NCKAP1: variants seen among roughly 807,000 people sequenced by gnomAD.
NCKAP1 encodes the protein nck-associated protein 1.
In NCKAP1, 21 loss-of-function variants were observed where a neutral mutation model predicts 151.2. The observed-to-expected ratio is 0.14, with a 90% CI of 0.10 to 0.20. NCKAP1 has a LOEUF of 0.20. Ranked by LOEUF, NCKAP1 falls within the 10% of genes least tolerant of loss-of-function variation. The pLI is 1.00. For missense variants in NCKAP1, 933 were observed against 1,352.1 expected (o/e 0.69, Z 4.86); for synonymous variants, 484 against 451.8 (o/e 1.07, Z -0.90).
intron 27 of NCKAP1, 134 bp from the exon 28 acceptor site, chr2:182,929,033 G>C (rs1197467533): frequency 3.4e-6 from 2 of 579,778 alleles, no homozygotes; most frequent in Admixed American, 3.3e-5. Context: ...TATTTTACTA[G>C]CATTCTATAG....
intron 23 of NCKAP1, among the ~76,000 whole-genome samples, chr2:182,945,699 C>T (rs58722123): frequency 6.6e-6 from 1 of 152,180 alleles, no homozygotes; most frequent in Non-Finnish European, 1.5e-5. Context: ...TTATGCACTG[C>T]TGATGGGAAT....
At chr2:182,929,262 T>A (rs992040830) in intron 27 of NCKAP1, among the ~76,000 whole-genome samples, 5 of 152,010 alleles carry the variant, frequency 3.3e-5, no homozygotes, top group African/African-American at 1.2e-4. Context: ...TATTACTTTA[T>A]GAGACAGTTC....
intron 27 of NCKAP1, among the ~76,000 whole-genome samples, chr2:182,929,864 T>C (rs1696725691): frequency 6.6e-6 from 1 of 151,990 alleles, no homozygotes; most frequent in African/African-American, 2.4e-5. Flanking sequence ...TATATTTACT[T>C]TGTAGACAAA....
At chr2:183,027,671 A>G (rs1698923627) in intron 1 of NCKAP1, among the ~76,000 whole-genome samples, 2 of 152,160 alleles carry the variant, frequency 1.3e-5, no homozygotes, top group Non-Finnish European at 2.9e-5. Flanking sequence ...CCTGGGCAAC[A>G]TAGCAAGATC....
intron 2 of NCKAP1, among the ~76,000 whole-genome samples, chr2:183,003,974 T>A (rs1369756397): frequency 6.6e-5 from 10 of 152,116 alleles, no homozygotes; most frequent in Admixed American, 6.6e-4. Flanking sequence ...TTTACAAAAG[T>A]CCCAATTTTT....
rs1337021290 is a variant in NCKAP1 at position 182,953,312 on chromosome 2, T to C, written c.2173A>G (p.Met725Val). Residue 725 changes from methionine to valine, a missense_variant, in exon 21 of 31, where the codon ATG (methionine) becomes GTG (valine). Transcript: ENST00000361354. ...RFTKSIVGMT[M>V]YNQATQEIAK... ...ATTTCCTGTGTGGCTTGATTATACA[T>C]AGTCATCCCAACAATTGACCTGGGA... The C allele has an allele frequency of 6.2e-7, 1 of 1,612,246 alleles. No homozygotes were observed. The highest frequency in any genetic ancestry group is 1.1e-5 in the South Asian group (1 of 90,840).
intron 9 of NCKAP1, among the ~76,000 whole-genome samples, chr2:182,987,923 A>G (rs1698089234): frequency 1.3e-5 from 2 of 152,280 alleles, no homozygotes; most frequent in Admixed American, 1.3e-4. Context: ...CCGACCAGAA[A>G]GAAGCACAAA....
chr2:182,962,433 C>G (rs1406261833), intron 17 of NCKAP1, among the ~76,000 whole-genome samples, 155 bp from the exon 18 acceptor site: 1 of 152,090 alleles, frequency 6.6e-6, no homozygotes, highest in East Asian at 1.9e-4. Flanking sequence ...CTTGTAACAA[C>G]TAACTCACCA....
rs1696561802 is a variant in NCKAP1, at chr2:182,922,258, A to G, written c.*3444T>C. 6.6e-6 allele frequency: 1 copy of G among 152,232 alleles called. No homozygotes were observed. Among genetic ancestry groups the G allele is most frequent in the Non-Finnish European group, 1.5e-5 (1 of 68,028 alleles). 9.4% of individuals were successfully genotyped at this position (152,232 alleles called of 1,614,324 possible). ...CACTACCTTACAGAATTTGGGCTTC[A>G]TTTAGAAGGCCTGATGGTGTACAAC... is the stretch of plus-strand genomic sequence containing the variant. On this transcript the variant is annotated 3_prime_UTR_variant, in exon 31 of 31. Coordinates refer to ENST00000361354, the MANE Select transcript of NCKAP1 (RefSeq NM_013436.5).
rs565141411 is a variant in NCKAP1 at position 182,992,568 on chromosome 2, G to A, written c.790+2271C>T. Among the ~76,000 whole-genome samples the A allele has an allele frequency of 6.6e-5, 10 of 152,198 alleles. 1 individual carries two copies. The highest frequency in any genetic ancestry group is 7.2e-5 in the African/African-American group (3 of 41,514). ...AACAACTAATAATTACCACACAACC[G>A]AGCAAGATCAAAACTCTGAAAGCTG... On this transcript the variant is annotated intron_variant, in intron 8 of 30. Transcript: ENST00000361354.
At chr2:182,996,829 G>C (rs1015635014) in intron 6 of NCKAP1, among the ~76,000 whole-genome samples, 1 of 152,164 alleles carries the variant, frequency 6.6e-6, no homozygotes, top group Non-Finnish European at 1.5e-5. Flanking sequence ...ATACAGGGCT[G>C]TAACTGAAAT....
At chr2:182,937,292 T>C (rs1696897825) in intron 24 of NCKAP1, among the ~76,000 whole-genome samples, 1 of 152,076 alleles carries the variant, frequency 6.6e-6, no homozygotes, top group Non-Finnish European at 1.5e-5. Context: ...CATTAAAAGT[T>C]CTAAGATACT....
intron 2 of NCKAP1, among the ~76,000 whole-genome samples, chr2:183,012,016 A>T (rs577794820): frequency 4.5e-4 from 69 of 152,246 alleles, no homozygotes; most frequent in African/African-American, 1.6e-3. Context: ...GGAACTCCCA[A>T]TTGTTTTTTC....
chr2:182,983,015 G>A (rs528388345), intron 11 of NCKAP1, 88 bp from the exon 12 acceptor site: 17 of 975,768 alleles, frequency 1.7e-5, no homozygotes, highest in Non-Finnish European at 2.6e-5. Context: ...TCATTGGCAA[G>A]AAGTGATAAT....
chr2:183,022,687 T>TA (rs986474242), intron 2 of NCKAP1, among the ~76,000 whole-genome samples: 4 of 152,136 alleles, frequency 2.6e-5, no homozygotes, highest in African/African-American at 9.7e-5. Context: ...TGATTTTGTT[T>TA]AAAAAAATGC....
chr2:182,926,952 C>A (rs1696660621), intron 29 of NCKAP1, 47 bp from the exon 30 acceptor site: 2 of 1,288,064 alleles, frequency 1.6e-6, no homozygotes, highest in East Asian at 2.4e-5. Context: ...ATAAAAGGTT[C>A]ATCGGTTACT....
At chr2:183,037,919 C>G in intron 1 of NCKAP1, 73 bp downstream of exon 1, 1 of 1,222,142 alleles carries the variant, frequency 8.2e-7, no homozygotes, top group Middle Eastern at 2.3e-4. Flanking sequence ...CGCCCCCACC[C>G]CACGGCCTCC....
Position 183,024,586 on chromosome 2 carries a change from G to A in NCKAP1, c.109-670C>T, listed in dbSNP as rs553597329. ...TATCAGCAGTACAGCATTCTCTGCAGTAAACTGTAAGGCACTATACAAATG... is the reference window on the plus strand; with the variant it reads ...TATCAGCAGTACAGCATTCTCTGCAATAAACTGTAAGGCACTATACAAATG... On this transcript the variant is annotated intron_variant, in intron 1 of 30. Transcript: ENST00000361354. 2.6e-5 allele frequency among the ~76,000 whole-genome samples: 4 copies of A among 152,304 alleles called. No homozygotes were observed. In the South Asian group the frequency reaches 6.2e-4, roughly 24 times the overall value.
chr2:182,966,565 C>T (rs949030639), intron 16 of NCKAP1, among the ~76,000 whole-genome samples: 2 of 152,284 alleles, frequency 1.3e-5, no homozygotes, highest in East Asian at 1.9e-4. Context: ...GGATTATAGG[C>T]GTGAGCCACC....
Sources: gnomAD v4.1 joint callset for allele counts (sites outside exome capture counted in the v4.1 genomes callset) on GRCh38, gnomAD v4.1.1 for gene constraint, MANE v1.5 for transcripts, NCBI Gene and HGNC (gene_info 2026-07-23, HGNC 2026-07-21) for gene names.